Variants in GRIK4 observed in about 807,000 individuals in gnomAD.
GRIK4 encodes the protein glutamate receptor ionotropic, kainate 4.
A neutral mutation model predicts 104.9 loss-of-function variants in GRIK4; 40 were observed. That is an observed-to-expected ratio of 0.38 (90% confidence interval 0.30 to 0.50). GRIK4 has a LOEUF of 0.50. Ranked by LOEUF, GRIK4 falls within the 20% of genes least tolerant of loss-of-function variation. The pLI, the probability that GRIK4 is intolerant of heterozygous loss-of-function variation, is 0.93. For missense variants in GRIK4, 1,047 were observed against 1,308.1 expected, an observed-to-expected ratio of 0.80 and a Z score of 3.08; for synonymous variants, 485 against 524.9, an observed-to-expected ratio of 0.92 and a Z score of 1.04.
At chr11:120,673,648 G>A (rs1415403050) in intron 3 of GRIK4, among the ~76,000 whole-genome samples, 1 of 152,176 alleles carries the variant, frequency 6.6e-6, no homozygotes, top group Non-Finnish European at 1.5e-5. Context: ...TTCTCCTCAG[G>A]TCTGAGACTT....
At chr11:120,881,254 C>G (rs991535007) in intron 11 of GRIK4, among the ~76,000 whole-genome samples, 1 of 152,196 alleles carries the variant, frequency 6.6e-6, no homozygotes, top group African/African-American at 2.4e-5. Context: ...ATTTGTTTTC[C>G]AATTTTTTTA....
chr11:120,689,894 T>C (rs889981660), intron 3 of GRIK4, among the ~76,000 whole-genome samples: 15 of 152,198 alleles, frequency 9.9e-5, no homozygotes, highest in Non-Finnish European at 2.2e-4. Context: ...CCACAGCTCC[T>C]TTGGTGCCTT....
intron 1 of GRIK4, among the ~76,000 whole-genome samples, chr11:120,561,542 T>C (rs962942379): frequency 1.3e-5 from 2 of 152,202 alleles, no homozygotes; most frequent in Non-Finnish European, 2.9e-5. Context: ...CAGAGTTCCC[T>C]GCAGGCATAC....
intron 3 of GRIK4, among the ~76,000 whole-genome samples, chr11:120,730,225 G>T (rs764464756): frequency 4.6e-5 from 7 of 152,070 alleles, no homozygotes; most frequent in Non-Finnish European, 7.4e-5. Context: ...AGGTGTGGTG[G>T]TGTCTACCTG....
chr11:120,748,557 A>T (rs1951489106), intron 3 of GRIK4, among the ~76,000 whole-genome samples: 1 of 152,068 alleles, frequency 6.6e-6, no homozygotes, highest in South Asian at 2.1e-4. Flanking sequence ...CACAGAGGAG[A>T]GTAATGAACA....
At chr11:120,668,307 GA>G (rs1565284432) in intron 3 of GRIK4, among the ~76,000 whole-genome samples, 61 of 136,882 alleles carry the variant, frequency 4.5e-4, no homozygotes, top group African/African-American at 1.6e-3. Context: ...AAAAAGAAAA[GA>G]AAAGAAGAAA....
At position 120,856,174 on chromosome 11, in the gene GRIK4, A is replaced by G. The variant is rs11600735; in HGVS notation, c.745-5785A>G. ...GTAGATGCTCTTACCCGCACTTTAC[A>G]GGTGAACACATCGAAAGTTCAGAGA... On this transcript the variant is annotated intron_variant, in intron 8 of 20. Transcript: ENST00000527524. Among the ~76,000 whole-genome samples, 228 of 152,372 alleles carry G rather than the reference A, an allele frequency of 1.5e-3. 2 individuals are homozygous for G. The highest frequency in any genetic ancestry group is 1.4e-3 in the Non-Finnish European group (94 of 68,030).
At position 120,537,523 on chromosome 11, in the gene GRIK4, C is replaced by T. The variant is rs528300260; in HGVS notation, c.-159+25636C>T. Among the ~76,000 whole-genome samples, 3 of 152,248 alleles carry T rather than the reference C, an allele frequency of 2.0e-5. No individual in the cohort carries two copies. In the South Asian group the frequency reaches 6.2e-4, roughly 32 times the overall value. ...TCTTGCCAGGCAGCTTCTCTACTGCCTGGGGGAGTCCTACCTGGATGCCCA... is the reference window on the plus strand; with the variant it reads ...TCTTGCCAGGCAGCTTCTCTACTGCTTGGGGGAGTCCTACCTGGATGCCCA... On this transcript the variant is annotated intron_variant, in intron 1 of 20. Coordinates refer to ENST00000527524, the MANE Select transcript of GRIK4 (RefSeq NM_014619.5).
chr11:120,717,376 C>A (rs915575734), intron 3 of GRIK4, among the ~76,000 whole-genome samples: 9 of 152,160 alleles, frequency 5.9e-5, no homozygotes, highest in African/African-American at 2.2e-4. Flanking sequence ...CCTGGGGCTT[C>A]TTCCCTACTT....
intron 3 of GRIK4, among the ~76,000 whole-genome samples, chr11:120,696,350 G>C (rs561511572): frequency 6.8e-4 from 103 of 152,174 alleles, no homozygotes; most frequent in African/African-American, 2.4e-3. Context: ...TGGTGGATTG[G>C]GTGGGGCAGG....
chr11:120,598,211 C>T (rs1437132012), intron 1 of GRIK4, among the ~76,000 whole-genome samples: 1 of 152,192 alleles, frequency 6.6e-6, no homozygotes, highest in African/African-American at 2.4e-5. Flanking sequence ...TGAGCCCTTG[C>T]TGTGCATCCG....
chr11:120,980,961 G>A lies in GRIK4; in HGVS notation c.2396-1145G>A, dbSNP rs553443349. Among the ~76,000 whole-genome samples, 7 of 152,262 alleles carry A rather than the reference G, an allele frequency of 4.6e-5. No homozygotes were observed. In the South Asian group the frequency reaches 8.3e-4, roughly 18 times the overall value. On this transcript the variant is annotated intron_variant, in intron 19 of 20. Transcript: ENST00000527524. ...TTTCCAAGGTGCAGAAGGTAGCGTCGATTTCTGATCTGGCCCTGTGACTCA... is the reference window on the plus strand; with the variant it reads ...TTTCCAAGGTGCAGAAGGTAGCGTCAATTTCTGATCTGGCCCTGTGACTCA...
At chr11:120,749,310 G>A (rs1291229368) in intron 3 of GRIK4, among the ~76,000 whole-genome samples, 1 of 152,158 alleles carries the variant, frequency 6.6e-6, no homozygotes, top group Non-Finnish European at 1.5e-5. Flanking sequence ...TGTGGTGCCA[G>A]GCTAGAAAGA....
intron 14 of GRIK4, among the ~76,000 whole-genome samples, chr11:120,943,154 C>CTA (rs1565453713): frequency 5.6e-5 from 6 of 107,840 alleles, no homozygotes; most frequent in Admixed American, 3.9e-4. Context: ...ACACACACCC[C>CTA]CCTGACTGTT....
chr11:120,560,835 T>TA (rs1370047094), intron 1 of GRIK4, among the ~76,000 whole-genome samples: 77 of 152,348 alleles, frequency 5.1e-4, no homozygotes, highest in African/African-American at 1.8e-3. Context: ...TAAAAAGCTT[T>TA]AACATCTACT....
intron 13 of GRIK4, among the ~76,000 whole-genome samples, chr11:120,909,848 C>T (rs1053264618): frequency 1.3e-5 from 2 of 152,196 alleles, no homozygotes; most frequent in African/African-American, 4.8e-5. Context: ...CATTTGTTAT[C>T]ACCTGCTTAC....
At chr11:120,542,080 A>G (rs1033553612) in intron 1 of GRIK4, among the ~76,000 whole-genome samples, 2 of 152,236 alleles carry the variant, frequency 1.3e-5, no homozygotes, top group African/African-American at 4.8e-5. Flanking sequence ...GTAGTAATTA[A>G]AACAATATGG....
At chr11:120,731,890 C>A (rs1951137995) in intron 3 of GRIK4, among the ~76,000 whole-genome samples, 1 of 152,094 alleles carries the variant, frequency 6.6e-6, no homozygotes, top group Non-Finnish European at 1.5e-5. Context: ...TCTGCAGTGT[C>A]AGTTGTAATG....
intron 1 of GRIK4, among the ~76,000 whole-genome samples, chr11:120,605,129 A>G (rs1948943314): frequency 6.6e-6 from 1 of 152,212 alleles, no homozygotes; most frequent in African/African-American, 2.4e-5. Context: ...GCCAGTGCGC[A>G]CAGCACAGCC....
Sources: allele counts gnomAD v4.1 joint callset (sites outside exome capture counted in the v4.1 genomes callset), GRCh38; gene constraint gnomAD v4.1.1; transcripts MANE v1.5; gene names NCBI Gene and HGNC (gene_info 2026-07-23, HGNC 2026-07-21).